PLEKHH2: variants seen among roughly 807,000 people sequenced by gnomAD.
PLEKHH2 encodes pleckstrin homology, MyTH4 and FERM domain containing H2, also known as pleckstrin homology domain-containing family H member 2.
In PLEKHH2, 129 loss-of-function variants were observed where a neutral mutation model predicts 187.9. That is an observed-to-expected ratio of 0.69 (90% confidence interval 0.59 to 0.79). The LOEUF is 0.79. PLEKHH2 is among the 30% of genes least tolerant of loss of function. The pLI, the probability that PLEKHH2 is intolerant of heterozygous loss-of-function variation, is 0.00. For synonymous variants in PLEKHH2, 686 were observed against 605.6 expected (o/e 1.13, Z -1.95); for missense variants, 2,076 against 1,751.2 (o/e 1.19, Z -3.31).
At chr2:43,681,206 G>T in intron 3 of PLEKHH2, 1 of 669,298 alleles carries the variant, frequency 1.5e-6, no homozygotes, top group Non-Finnish European at 2.6e-6. Flanking sequence ...AATACAGAAA[G>T]CTGTTTCTCC....
chr2:43,750,171 G>T (rs887729920), intron 24 of PLEKHH2, among the ~76,000 whole-genome samples: 1 of 152,032 alleles, frequency 6.6e-6, no homozygotes, highest in South Asian at 2.1e-4. Flanking sequence ...AAAATTCCAG[G>T]ATCAAGAGAC....
chr2:43,722,886 C>T (rs1670551406), intron 16 of PLEKHH2, among the ~76,000 whole-genome samples: 1 of 152,120 alleles, frequency 6.6e-6, no homozygotes, highest in Non-Finnish European at 1.5e-5. Flanking sequence ...TCCATTATAA[C>T]AACTGGAAAA....
At chr2:43,753,787 A>G (rs778029793) in intron 25 of PLEKHH2, 27 bp downstream of exon 25, 1 of 1,459,958 alleles carries the variant, frequency 6.8e-7, no homozygotes, top group East Asian at 2.5e-5. Flanking sequence ...ATGGAGTAAT[A>G]TATTGAAATA....
intron 2 of PLEKHH2, among the ~76,000 whole-genome samples, chr2:43,676,531 G>A (rs925898934): frequency 2.0e-5 from 3 of 151,928 alleles, no homozygotes; most frequent in East Asian, 1.9e-4. Context: ...CGGGTGAGAG[G>A]TATACCAGGA....
chr2:43,748,596 T>C (rs1337125993), intron 24 of PLEKHH2, among the ~76,000 whole-genome samples: 1 of 152,210 alleles, frequency 6.6e-6, no homozygotes, highest in Non-Finnish European at 1.5e-5. Context: ...GGAGTCCCTG[T>C]TTTGACAGCT....
chr2:43,757,426 T>C (rs538272140), intron 26 of PLEKHH2, among the ~76,000 whole-genome samples, 162 bp downstream of exon 26: 3 of 150,654 alleles, frequency 2.0e-5, no homozygotes, highest in South Asian at 2.1e-4. Context: ...TTCTTTCTTT[T>C]TTTTTTTTTT....
intron 27 of PLEKHH2, among the ~76,000 whole-genome samples, chr2:43,760,710 C>T (rs1672395620): frequency 6.6e-6 from 1 of 152,102 alleles, no homozygotes; most frequent in Non-Finnish European, 1.5e-5. Context: ...TAAGTACATT[C>T]TCATTGTTGT....
intron 17 of PLEKHH2, among the ~76,000 whole-genome samples, chr2:43,726,928 G>T (rs1407841332): frequency 6.7e-6 from 1 of 150,330 alleles, no homozygotes; most frequent in East Asian, 1.9e-4. Context: ...CTTATATATT[G>T]AGGAAATTGG....
At chr2:43,743,735 C>A in intron 22 of PLEKHH2, 99 bp from the exon 23 acceptor site, 1 of 1,095,870 alleles carries the variant, frequency 9.1e-7, no homozygotes, top group Admixed American at 3.2e-5. Flanking sequence ...AATATGTTAT[C>A]ATTAATCATG....
At chr2:43,650,938 C>A (rs1666439092) in intron 2 of PLEKHH2, among the ~76,000 whole-genome samples, 1 of 151,934 alleles carries the variant, frequency 6.6e-6, no homozygotes, top group African/African-American at 2.4e-5. Flanking sequence ...AGCCACCGCG[C>A]CTGGCCAGCA....
Position 43,714,534 on chromosome 2 carries a change from T to C in PLEKHH2, c.2460+2151T>C, listed in dbSNP as rs2568242. ...ACTGTCAAATTGCATTTGAATACCT[T>C]GGAGGGGAGGAAGTTTTCTCAGGTT... On this transcript the variant is annotated intron_variant, in intron 15 of 29. Coordinates refer to ENST00000282406, the MANE Select transcript of PLEKHH2 (RefSeq NM_172069.4). 6.4e-3 allele frequency among the ~76,000 whole-genome samples: 969 copies of C among 152,280 alleles called. 30 individuals carry two copies. In the East Asian group the frequency reaches 0.074, roughly 12 times the overall value.
chr2:43,670,892 A>T (rs1363684036), intron 2 of PLEKHH2, among the ~76,000 whole-genome samples: 1 of 151,988 alleles, frequency 6.6e-6, no homozygotes, highest in Non-Finnish European at 1.5e-5. Flanking sequence ...ATTTTGTTAG[A>T]TTCATAGCTA....
In PLEKHH2 at chr2:43,695,769, C is replaced by T. The variant is rs188574172; in HGVS notation, c.502+545C>T. On this transcript the variant is annotated intron_variant, in intron 6 of 29. Transcript: ENST00000282406. ...CAGAGAGACATGCACTCCAGAAGTC[C>T]AAGAAGACTTGAATTTTGGCCTTAG... 1.2e-4 allele frequency among the ~76,000 whole-genome samples: 19 copies of T among 152,244 alleles called. No individual in the cohort carries two copies. In the East Asian group the frequency reaches 3.7e-3, roughly 29 times the overall value.
rs1288830497 is a variant in PLEKHH2, at chr2:43,699,964, T to C, written c.1006T>C (p.Phe336Leu). The C allele has an allele frequency of 6.2e-7, 1 of 1,614,092 alleles. No homozygotes were observed. The highest frequency in any genetic ancestry group is 1.7e-5 in the Admixed American group (1 of 60,014). ...LTASDDSSSI[F>L]EEETFGIKRP... is the part of the protein sequence containing the mutation. Reference sequence around the variant, plus strand: ...AGCATCTGATGACAGCAGCTCTATATTTGAGGAAGAGACTTTTGGCATAAA... The same window carrying C: ...AGCATCTGATGACAGCAGCTCTATACTTGAGGAAGAGACTTTTGGCATAAA... Residue 336 changes from phenylalanine to leucine, a missense_variant, in exon 8 of 30, where the codon TTT (phenylalanine) becomes CTT (leucine). Physicochemically the swap from Phe to Leu is conservative, Grantham distance 22. Coordinates refer to ENST00000282406, the MANE Select transcript of PLEKHH2 (RefSeq NM_172069.4).
chr2:43,695,992 A>G (rs1441368924), intron 6 of PLEKHH2, among the ~76,000 whole-genome samples: 3 of 152,164 alleles, frequency 2.0e-5, no homozygotes, highest in Admixed American at 6.5e-5. Flanking sequence ...TGCAAATGTC[A>G]TAACTCAGTT....
At chr2:43,658,389 T>C (rs71420065) in intron 2 of PLEKHH2, among the ~76,000 whole-genome samples, 11,095 of 152,334 alleles carry the variant, frequency 0.073, 539 homozygotes, top group Non-Finnish European at 0.092. Flanking sequence ...TAGTTATCTA[T>C]TGCTGTATTA....
At chr2:43,642,389 G>GCA (rs770242141) in intron 1 of PLEKHH2, among the ~76,000 whole-genome samples, 3 of 152,030 alleles carry the variant, frequency 2.0e-5, no homozygotes, top group Non-Finnish European at 2.9e-5. Flanking sequence ...AATTTTCTAT[G>GCA]CACATGATCA....
intron 28 of PLEKHH2, 58 bp from the exon 29 acceptor site, chr2:43,764,170 T>C (rs1672534043): frequency 2.9e-6 from 3 of 1,041,068 alleles, no homozygotes; most frequent in Non-Finnish European, 2.6e-6. Flanking sequence ...TTAATTATTT[T>C]CCATCTCTCC....
At chr2:43,719,978 C>T (rs1489890346) in intron 15 of PLEKHH2, among the ~76,000 whole-genome samples, 1 of 152,106 alleles carries the variant, frequency 6.6e-6, no homozygotes, top group African/African-American at 2.4e-5. Flanking sequence ...AATATACTTA[C>T]TGGTGAAACT....
Sources: allele counts gnomAD v4.1 joint callset (sites outside exome capture counted in the v4.1 genomes callset), GRCh38; gene constraint gnomAD v4.1.1; transcripts MANE v1.5; gene names NCBI Gene and HGNC (gene_info 2026-07-23, HGNC 2026-07-21).